RBM15: variants seen among roughly 807,000 people sequenced by gnomAD.
The protein encoded by RBM15 is RNA binding motif protein 15.
In RBM15, 8 loss-of-function variants were observed where a neutral mutation model predicts 62.6. That is an observed-to-expected ratio of 0.13 (90% CI 0.07 to 0.23). The LOEUF is 0.23. Ranked by LOEUF, RBM15 falls within the 10% of genes least tolerant of loss-of-function variation. The pLI is 1.00. For missense variants in RBM15, 1,144 were observed against 1,286.5 expected, an observed-to-expected ratio of 0.89 and a Z score of 1.69; for synonymous variants, 606 against 505.7, an observed-to-expected ratio of 1.20 and a Z score of -2.66.
At position 110,340,446 on chromosome 1, in the gene RBM15, A is replaced by G. The variant is rs1301856296; in HGVS notation, c.1041A>G (p.Pro347=). The G allele has an allele frequency of 6.2e-7, 1 of 1,614,060 alleles. No homozygotes were observed. Among genetic ancestry groups the G allele is most frequent in the African/African-American group, 1.3e-5 (1 of 74,926 alleles). ...TGCGCCCTGCATACAGTCTTGAGCC[A>G]AGGGTGGGAGCTGGAGCAGGTGCTG... The part of the protein sequence containing the change: ...ERVRPAYSLE[P]RVGAGAGAAP... The change falls in exon 1 of 3, where the codon CCA becomes CCG. Residue 347 remains proline, a synonymous_variant. Coordinates refer to ENST00000369784, the MANE Select transcript of RBM15 (RefSeq NM_022768.5). The surrounding 1 kb of genome is among the most constrained non-coding windows in gnomAD (Gnocchi z 5.8).
In RBM15 at chr1:110,346,323, A is replaced by G. The variant is rs1170807803; in HGVS notation, c.*56A>G. On this transcript the variant is annotated 3_prime_UTR_variant, in exon 3 of 3. Transcript: ENST00000369784. The stretch of plus-strand genomic sequence containing the variant: ...CCTCCGCAAGCAAAACTGGTTGAAC[A>G]GCGGATGAAGATATGGAATTCAAAG... The G allele has an allele frequency of 1.9e-6, 3 of 1,598,254 alleles. No homozygotes were observed. Among genetic ancestry groups the G allele is most frequent in the Admixed American group, 3.3e-5 (2 of 59,998 alleles).
chr1:110,342,135 C>T lies in RBM15; in HGVS notation c.2730C>T (p.Gly910=). 6.2e-7 allele frequency: 1 copy of T among 1,614,070 alleles called. No homozygotes were observed. The highest frequency in any genetic ancestry group is 2.2e-5 in the East Asian group (1 of 44,876). ...GGGTGATCAGCCTCCCTGTGGGGGGCAACAAAGACAAGGAAAACACCGGGG... is the reference window on the plus strand; with the variant it reads ...GGGTGATCAGCCTCCCTGTGGGGGGTAACAAAGACAAGGAAAACACCGGGG... ...AAGVISLPVG[G]NKDKENTGVL... is the part of the protein sequence containing the mutation. Residue 910 remains glycine (G), a synonymous_variant, in exon 1 of 3, where the codon GGC becomes GGT. Coordinates refer to ENST00000369784, the MANE Select transcript of RBM15 (RefSeq NM_022768.5).
chr1:110,340,031 G>A lies in RBM15; in HGVS notation c.626G>A (p.Gly209Asp). The A allele has an allele frequency of 6.2e-7, 1 of 1,614,116 alleles. No homozygotes were observed. Among genetic ancestry groups the A allele is most frequent in the Non-Finnish European group, 8.5e-7 (1 of 1,180,012 alleles). Residue 209 changes from glycine (G) to aspartate (D), a missense_variant, in exon 1 of 3, where the codon GGT becomes GAT. This residue lies in a region of RBM15 where 188 missense variants were observed against 185.6 expected (regional missense o/e 1.01). Transcript: ENST00000369784. The surrounding 1 kb of genome is among the most constrained non-coding windows in gnomAD (Gnocchi z 5.8). ...DVSVKISHLSGSGSGDERVAF... is the reference protein window; with the variant it reads ...DVSVKISHLSDSGSGDERVAF... ...AGTGTGAAAATCAGTCATCTGTCGG[G>A]TTCTGGCAGCGGGGATGAGCGGGTA...
chr1:110,346,352 T>C lies in RBM15; in HGVS notation c.*85T>C, dbSNP rs1260212973. Reference sequence around the variant, plus strand: ...GATGAAGATATGGAATTCAAAGCTCTAATGGACCTTTTTGAAGAGAAGTTG... The same window carrying C: ...GATGAAGATATGGAATTCAAAGCTCCAATGGACCTTTTTGAAGAGAAGTTG... On this transcript the variant is annotated 3_prime_UTR_variant, in exon 3 of 3. Transcript: ENST00000369784. 9 of 1,597,806 alleles carry C rather than the reference T, an allele frequency of 5.6e-6. No homozygotes were observed. The highest frequency in any genetic ancestry group is 6.8e-6 in the Non-Finnish European group (8 of 1,179,384).
Sources: gnomAD v4.1 joint callset for allele counts on GRCh38, gnomAD v4.1.1 for gene constraint, gnomAD v4.1.1 regional missense constraint, Gnocchi (gnomAD v3.1) non-coding constraint, MANE v1.5 for transcripts, NCBI Gene and HGNC (gene_info 2026-07-23, HGNC 2026-07-21) for gene names.